PCDHA7: variants seen among roughly 807,000 people sequenced by gnomAD.
PCDHA7 encodes the protein protocadherin alpha-7.
In PCDHA7, 37 loss-of-function variants were observed where a neutral mutation model predicts 57.2. The observed-to-expected ratio is 0.65, with a 90% CI of 0.50 to 0.85. The LOEUF (loss-of-function observed/expected upper bound fraction) is 0.85. PCDHA7 is among the 40% of genes least tolerant of loss of function. The pLI, the probability that PCDHA7 is intolerant of heterozygous loss-of-function variation, is 0.00. For missense variants in PCDHA7, 1,188 were observed against 1,241.8 expected (o/e 0.96, Z 0.65); for synonymous variants, 553 against 558.8 (o/e 0.99, Z 0.15).
At chr5:140,873,007 C>A (rs1363151505) in intron 1 of PCDHA7, among the ~76,000 whole-genome samples, 1 of 152,206 alleles carries the variant, frequency 6.6e-6, no homozygotes, top group Admixed American at 6.5e-5. Context: ...AGTCATTCTT[C>A]ATATTTAGTT....
intron 1 of PCDHA7, among the ~76,000 whole-genome samples, chr5:140,959,594 A>G (rs1420498368): frequency 6.6e-6 from 1 of 152,220 alleles, no homozygotes; most frequent in African/African-American, 2.4e-5. Flanking sequence ...TCAGCCAAGT[A>G]TAACATGCTT....
At chr5:140,875,235 A>G in intron 1 of PCDHA7, 1 of 869,906 alleles carries the variant, frequency 1.1e-6, no homozygotes, top group South Asian at 2.5e-5. Context: ...TCTTTCTTGT[A>G]CTTACATAAT....
intron 3 of PCDHA7, among the ~76,000 whole-genome samples, chr5:141,004,400 G>A (rs183932833): frequency 7.4e-4 from 113 of 152,304 alleles, no homozygotes; most frequent in African/African-American, 2.7e-3. Flanking sequence ...TGTGGAGGAG[G>A]CACCTGACTA....
rs782761361 is a variant in PCDHA7, at chr5:140,927,794, C to T, written c.2356-51155C>T. 1.2e-5 allele frequency: 20 copies of T among 1,614,154 alleles called. No individual in the cohort carries two copies. In the South Asian group the frequency reaches 1.6e-4, roughly 13 times the overall value. Reference sequence around the variant, plus strand: ...GTGCAAGTAGCTGCTTCACTAGGTCCGCCTGAAACGCTCTTGGAGGCATAC... The same window carrying T: ...GTGCAAGTAGCTGCTTCACTAGGTCTGCCTGAAACGCTCTTGGAGGCATAC... On this transcript the variant is annotated intron_variant, in intron 1 of 3. Coordinates refer to ENST00000525929, the MANE Select transcript of PCDHA7 (RefSeq NM_018910.3).
At chr5:140,910,874 A>T (rs1285814930) in intron 1 of PCDHA7, among the ~76,000 whole-genome samples, 2 of 151,996 alleles carry the variant, frequency 1.3e-5, no homozygotes, top group African/African-American at 4.8e-5. Flanking sequence ...ATTATCCCAC[A>T]CCCTTAATAT....
rs1778917220 is a variant in PCDHA7 at position 140,843,490 on chromosome 5, C to T, written c.2355+6752C>T. 14 of 1,596,024 alleles carry T rather than the reference C, an allele frequency of 8.8e-6. 1 individual carries two copies. The highest frequency in any genetic ancestry group is 2.2e-5 in the East Asian group (1 of 44,822). On this transcript the variant is annotated intron_variant, in intron 1 of 3. Coordinates refer to ENST00000525929, the MANE Select transcript of PCDHA7 (RefSeq NM_018910.3). ...TGCTGCTGTACACTGCGCTGCGGTG[C>T]TCAGCACTGCCCACTGAGGGCGGGT...
intron 3 of PCDHA7, among the ~76,000 whole-genome samples, chr5:140,984,755 A>G (rs1554246508): frequency 6.6e-6 from 1 of 152,172 alleles, no homozygotes; most frequent in Admixed American, 6.5e-5. Flanking sequence ...TTTGAGTTGA[A>G]TTCTAATCCC....
At chr5:140,843,377 G>A (rs2150358675) in intron 1 of PCDHA7, 17 of 1,596,146 alleles carry the variant, frequency 1.1e-5, no homozygotes, top group Middle Eastern at 1.7e-4. Context: ...GTCGGCTGGC[G>A]TTTTGGGTCC....
At chr5:141,007,149 T>G (rs980574316) in intron 3 of PCDHA7, among the ~76,000 whole-genome samples, 12 of 152,084 alleles carry the variant, frequency 7.9e-5, no homozygotes, top group African/African-American at 2.9e-4. Context: ...CAAAGGAAAC[T>G]GTCAAAGAAC....
At chr5:140,974,377 A>G (rs1356669539) in intron 1 of PCDHA7, among the ~76,000 whole-genome samples, 1 of 152,190 alleles carries the variant, frequency 6.6e-6, no homozygotes, top group Non-Finnish European at 1.5e-5. Flanking sequence ...TTTCTGTTGT[A>G]CTGGAACCCA....
chr5:140,951,793 C>G (rs536005204), intron 1 of PCDHA7, among the ~76,000 whole-genome samples: 1 of 152,126 alleles, frequency 6.6e-6, no homozygotes, highest in African/African-American at 2.4e-5. Flanking sequence ...ATACAATTAT[C>G]CCTTCCCAAT....
At chr5:140,856,282 G>T (rs1554148485) in intron 1 of PCDHA7, 1 of 1,598,456 alleles carries the variant, frequency 6.3e-7, no homozygotes, top group African/African-American at 1.3e-5. Context: ...AGGTAAATCT[G>T]CAGAATGGCA....
intron 1 of PCDHA7, chr5:140,926,741 A>G (rs572260372): frequency 1.7e-6 from 2 of 1,192,504 alleles, no homozygotes; most frequent in South Asian, 2.4e-5. Flanking sequence ...GGGAGGCGCA[A>G]CGTCGGCGGT....
chr5:140,856,246 G>T (rs782761072), intron 1 of PCDHA7: 2 of 1,598,030 alleles, frequency 1.3e-6, no homozygotes, highest in Admixed American at 1.7e-5. Flanking sequence ...TCCGGGTGGC[G>T]TCCAAAAGAC....
At chr5:140,990,318 A>C (rs2097387548) in intron 3 of PCDHA7, among the ~76,000 whole-genome samples, 1 of 152,054 alleles carries the variant, frequency 6.6e-6, no homozygotes, top group Admixed American at 6.5e-5. Context: ...AACCAACCAA[A>C]CAAACTTTAA....
intron 1 of PCDHA7, chr5:140,967,577 C>G (rs141338011): frequency 1.2e-6 from 2 of 1,614,016 alleles, no homozygotes; most frequent in Non-Finnish European, 1.7e-6. Flanking sequence ...GGAGGACTCA[C>G]CCCCAGGCAC....
chr5:140,836,380 T>C lies in PCDHA7; in HGVS notation c.1997T>C (p.Leu666Pro), dbSNP rs1554135890. 1 of 1,613,746 alleles carries C rather than the reference T, an allele frequency of 6.2e-7. No homozygotes were observed. ...EPSLTATATV[L>P]VSLVESGQAP... ...TCGCTGACAGCCACAGCCACCGTGC[T>C]GGTGTCGCTGGTGGAAAGCGGCCAG... The change falls in exon 1 of 4, where the codon CTG becomes CCG. Residue 666 changes from leucine to proline, a missense_variant. Transcript: ENST00000525929.
intron 1 of PCDHA7, among the ~76,000 whole-genome samples, chr5:140,916,434 C>T (rs1554197442): frequency 1.3e-5 from 2 of 152,184 alleles, no homozygotes; most frequent in Non-Finnish European, 2.9e-5. Context: ...AACCTAAGGC[C>T]CACAGTATAC....
chr5:140,907,263 C>T (rs985030606), intron 1 of PCDHA7, among the ~76,000 whole-genome samples: 2 of 152,220 alleles, frequency 1.3e-5, no homozygotes, highest in Admixed American at 1.3e-4. Flanking sequence ...CTTCAAAAGG[C>T]CATTCCATCA....
Sources: gnomAD v4.1 joint callset for allele counts (sites outside exome capture counted in the v4.1 genomes callset) on GRCh38, gnomAD v4.1.1 for gene constraint, MANE v1.5 for transcripts, NCBI Gene and HGNC (gene_info 2026-07-23, HGNC 2026-07-21) for gene names.